Variants in MME observed in about 807,000 individuals in gnomAD.
MME encodes membrane metalloendopeptidase.
A neutral mutation model predicts 113.2 loss-of-function variants in MME; 98 were observed. The ratio of observed to expected loss-of-function variants is 0.87; its 90% CI spans 0.74 to 1.02. MME has a LOEUF of 1.02. Among genes scored for constraint, MME ranks in the 50% least tolerant of loss-of-function variants. The probability of loss-of-function intolerance (pLI) is 0.00; values close to 1 mark genes in which losing one functional copy is unlikely to be tolerated. For missense variants in MME, 836 were observed against 896.0 expected (o/e 0.93, Z 0.86); for synonymous variants, 292 against 300.6 (o/e 0.97, Z 0.30).
At chr3:155,163,051 A>G (rs985233881) in intron 17 of MME, among the ~76,000 whole-genome samples, 8 of 150,978 alleles carry the variant, frequency 5.3e-5, no homozygotes, top group African/African-American at 1.9e-4. Context: ...AGAAATGTGT[A>G]TGTGTATATA....
At chr3:155,059,515 C>T (rs967509398) in intron 1 of MME, among the ~76,000 whole-genome samples, 1 of 152,050 alleles carries the variant, frequency 6.6e-6, no homozygotes, top group Admixed American at 6.6e-5. Flanking sequence ...CAGGATTCCA[C>T]AATTAGTAAA....
chr3:155,117,054 T>C, intron 7 of MME, 68 bp downstream of exon 7: 2 of 892,500 alleles, frequency 2.2e-6, no homozygotes, highest in Non-Finnish European at 3.8e-6. Context: ...TACATTGTTG[T>C]TATTGATATT....
At chr3:155,066,554 C>T (rs1714385040) in intron 1 of MME, among the ~76,000 whole-genome samples, 1 of 151,946 alleles carries the variant, frequency 6.6e-6, no homozygotes, top group South Asian at 2.1e-4. Context: ...CAAATTGAGT[C>T]ATTTGTGTAT....
chr3:155,158,730 G>A (rs1331531757), intron 16 of MME: 1 of 151,972 alleles, frequency 6.6e-6, no homozygotes, highest in South Asian at 2.1e-4. Context: ...TTTCTTGTGA[G>A]TCAACACAAA....
intron 3 of MME, among the ~76,000 whole-genome samples, chr3:155,108,628 A>C (rs1717904547): frequency 6.6e-6 from 1 of 151,918 alleles, no homozygotes; most frequent in Non-Finnish European, 1.5e-5. Context: ...AACCCATATA[A>C]TAGTACTACA....
At chr3:155,172,034 C>A in intron 20 of MME, 83 bp from the exon 21 acceptor site, 1 of 803,620 alleles carries the variant, frequency 1.2e-6, no homozygotes, top group Non-Finnish European at 2.1e-6. Flanking sequence ...ATGTTAATTA[C>A]TTGGTGGCAT....
chr3:155,174,655 A>G (rs1396718242), intron 22 of MME, among the ~76,000 whole-genome samples: 1 of 152,148 alleles, frequency 6.6e-6, no homozygotes, highest in Non-Finnish European at 1.5e-5. Context: ...AAATAGCCAT[A>G]GTATTAAAAC....
At chr3:155,110,778 C>G (rs1006155743) in intron 3 of MME, among the ~76,000 whole-genome samples, 2 of 152,168 alleles carry the variant, frequency 1.3e-5, no homozygotes, top group East Asian at 3.9e-4. Context: ...TAAACACACT[C>G]TTAATCCCTC....
chr3:155,027,174 T>C (rs967334246), intron 1 of MME, among the ~76,000 whole-genome samples: 1 of 152,186 alleles, frequency 6.6e-6, no homozygotes, highest in Non-Finnish European at 1.5e-5. Context: ...AATCCATCTC[T>C]TCCTTGGACT....
Position 155,182,742 on chromosome 3 carries a change from C to A in MME, c.*2283C>A, listed in dbSNP as rs199842655. 1.3e-5 allele frequency: 2 copies of A among 152,198 alleles called. No individual in the cohort carries two copies. The highest frequency in any genetic ancestry group is 2.9e-5 in the Non-Finnish European group (2 of 68,036). 9.4% of individuals were successfully genotyped at this position (152,198 alleles called of 1,614,324 possible). A position where few individuals can be genotyped will look rare whatever the true frequency, so the allele number is the denominator to read the frequency against. On this transcript the variant is annotated 3_prime_UTR_variant, in exon 23 of 23. Coordinates refer to ENST00000360490, the MANE Select transcript of MME (RefSeq NM_007289.4). ...CTTTTTAAAACATTAGGCTCCCATC[C>A]CTATGGAGGAACAACTCTCCAGTGC...
chr3:155,055,236 C>G (rs1356145876), intron 1 of MME, among the ~76,000 whole-genome samples: 1 of 152,118 alleles, frequency 6.6e-6, no homozygotes, highest in Non-Finnish European at 1.5e-5. Context: ...AGTGGACAAA[C>G]TAAAACTACA....
At chr3:155,142,475 C>T (rs1721188933) in intron 12 of MME, 145 bp downstream of exon 12, 1 of 666,308 alleles carries the variant, frequency 1.5e-6, no homozygotes, top group Non-Finnish European at 2.6e-6. Context: ...ATATTTAGGA[C>T]ATGTTGCTGA....
intron 1 of MME, among the ~76,000 whole-genome samples, chr3:155,037,431 T>C (rs1713164340): frequency 6.6e-6 from 1 of 152,024 alleles, no homozygotes; most frequent in Non-Finnish European, 1.5e-5. Flanking sequence ...CACAAAATGG[T>C]GGGGGCAAGA....
chr3:155,138,209 T>C lies in MME; in HGVS notation c.828T>C (p.Val276=), dbSNP rs780037500. ...AGCTTGCTTTGGAAATGAATAAAGT[T>C]ATGGAATTGGAAAAAGAAATTGCCA... The part of the protein sequence containing the change: ...ENQLALEMNK[V]MELEKEIANA... The change falls in exon 9 of 23, where the codon GTT becomes GTC. Residue 276 remains valine (V), a synonymous_variant. Coordinates refer to ENST00000360490, the MANE Select transcript of MME (RefSeq NM_007289.4). The C allele has an allele frequency of 3.1e-6, 5 of 1,613,688 alleles. No homozygotes were observed. The South Asian group carries it at 5.5e-5, about 18-fold the overall frequency.
intron 16 of MME, among the ~76,000 whole-genome samples, chr3:155,150,860 C>A (rs1721868834): frequency 6.6e-6 from 1 of 152,146 alleles, no homozygotes; most frequent in South Asian, 2.1e-4. Context: ...TAATCAGAAA[C>A]CCTCTGACAG....
chr3:155,041,994 A>G (rs547002006), intron 1 of MME, among the ~76,000 whole-genome samples: 2 of 152,316 alleles, frequency 1.3e-5, no homozygotes, highest in African/African-American at 2.4e-5. Flanking sequence ...CTTTCTTGAG[A>G]TCGAACTTTG....
At chr3:155,042,940 G>GTATATATATATATATATATGTATA (rs57585504) in intron 1 of MME, among the ~76,000 whole-genome samples, 78 of 53,546 alleles carry the variant, frequency 1.5e-3, no homozygotes, top group Non-Finnish European at 2.0e-3. Context: ...ATATATATAT[G>GTATATATATATATATATATGTATA]TATATATATA....
At chr3:155,163,162 G>A (rs771814407) in intron 17 of MME, among the ~76,000 whole-genome samples, 3 of 151,904 alleles carry the variant, frequency 2.0e-5, no homozygotes, top group Non-Finnish European at 2.9e-5. Context: ...AGAGTAATAT[G>A]TGCCACGTAA....
intron 1 of MME, among the ~76,000 whole-genome samples, chr3:155,069,147 T>A (rs1179525218): frequency 2.0e-5 from 3 of 151,732 alleles, no homozygotes; most frequent in Admixed American, 6.6e-5. Flanking sequence ...GGTTTGGGAG[T>A]TGTCTGCCAT....
Sources: allele counts gnomAD v4.1 joint callset (sites outside exome capture counted in the v4.1 genomes callset), GRCh38; gene constraint gnomAD v4.1.1; transcripts MANE v1.5; gene names NCBI Gene and HGNC (gene_info 2026-07-23, HGNC 2026-07-21).